Variants in NEURL1B observed in about 807,000 individuals in gnomAD.
The protein encoded by NEURL1B is neuralized E3 ubiquitin protein ligase 1B.
A neutral mutation model predicts 37.4 loss-of-function variants in NEURL1B; 13 were observed. The ratio of observed to expected loss-of-function variants is 0.35; its 90% CI spans 0.23 to 0.55. The LOEUF (loss-of-function observed/expected upper bound fraction) is 0.55, where lower values mean the gene tolerates loss of function less well. NEURL1B is among the 20% of genes least tolerant of loss of function. The probability of loss-of-function intolerance (pLI) is 0.89; values close to 1 mark genes in which losing one functional copy is unlikely to be tolerated. For synonymous variants in NEURL1B, 432 were observed against 426.6 expected (o/e 1.01, Z -0.16); for missense variants, 790 against 879.2 (o/e 0.90, Z 1.28).
At chr5:172,663,856 A>ATTATTATTATTATTATTATTC (rs1463627070) in intron 1 of NEURL1B, among the ~76,000 whole-genome samples, 1 of 149,678 alleles carries the variant, frequency 6.7e-6, no homozygotes, top group East Asian at 2.0e-4. Flanking sequence ...TATTATTATT[A>ATTATTATTATTATTATTATTC]TTTACCAGTG....
In NEURL1B at chr5:172,683,462, G is replaced by A. The variant is rs527371289; in HGVS notation, c.621G>A (p.Gln207=). The change falls in exon 3 of 5, where the codon CAG becomes CAA. Residue 207 remains glutamine, a synonymous_variant. Coordinates refer to ENST00000369800, the MANE Select transcript of NEURL1B (RefSeq NM_001142651.3). This position sits in a 1 kb window ranked among gnomAD's most constrained non-coding sequence, Gnocchi z 5.6. ...ADTLTPARLS[Q]ARFSACLPPS... ...CGCTGACGCCCGCGCGCCTCAGCCA[G>A]GCCCGCTTCAGCGCCTGCCTGCCGC... The A allele has an allele frequency of 2.0e-6, 3 of 1,473,346 alleles. No individual in the cohort carries two copies. Among genetic ancestry groups the A allele is most frequent in the Non-Finnish European group, 2.7e-6 (3 of 1,115,714 alleles). The allele number at this position is 1,473,346 out of a possible 1,614,324, so 91.3% of individuals were successfully genotyped here. A position where few individuals can be genotyped will look rare whatever the true frequency, so the allele number is the denominator to read the frequency against.
intron 3 of NEURL1B, among the ~76,000 whole-genome samples, 152 bp downstream of exon 3, chr5:172,684,290 C>T (rs1758438693): frequency 6.6e-6 from 1 of 152,066 alleles, no homozygotes; most frequent in Non-Finnish European, 1.5e-5. Flanking sequence ...CGCCCGGGCA[C>T]GATCCACCCC....
intron 1 of NEURL1B, among the ~76,000 whole-genome samples, chr5:172,646,514 C>G (rs1288593907): frequency 6.6e-6 from 1 of 152,206 alleles, no homozygotes; most frequent in Non-Finnish European, 1.5e-5. Context: ...TTCCTGTCTA[C>G]TGTCAGCAGT....
intron 1 of NEURL1B, among the ~76,000 whole-genome samples, chr5:172,664,234 A>AT (rs1757964331): frequency 6.6e-6 from 1 of 152,142 alleles, no homozygotes; most frequent in South Asian, 2.1e-4. Flanking sequence ...CTGGGGTCAT[A>AT]TCTCAACGCT....
intron 1 of NEURL1B, among the ~76,000 whole-genome samples, chr5:172,668,140 A>G (rs917413453): frequency 5.9e-5 from 9 of 151,932 alleles, no homozygotes; most frequent in African/African-American, 2.2e-4. Context: ...TCCCTCCAGG[A>G]AGAGTACGTT....
chr5:172,645,219 G>A (rs1757538478), intron 1 of NEURL1B, among the ~76,000 whole-genome samples: 1 of 152,150 alleles, frequency 6.6e-6, no homozygotes, highest in Admixed American at 6.5e-5. Context: ...AGGGCAGCAA[G>A]TGGAGGCTCA....
In NEURL1B at chr5:172,683,115, A is replaced by C. The variant is rs553230234; in HGVS notation, c.578-304A>C. ...AGAGGGAGAGAAGGGGAAAGGGTGG[A>C]GAGAAAAGGAGGGATGGAAGAAGAG... On this transcript the variant is annotated intron_variant, in intron 2 of 4. Transcript: ENST00000369800. The surrounding 1 kb of genome is among the most constrained non-coding windows in gnomAD (Gnocchi z 5.6). Among the ~76,000 whole-genome samples, 300 of 152,234 alleles carry C rather than the reference A, an allele frequency of 2.0e-3. No individual in the cohort carries two copies. The highest frequency in any genetic ancestry group is 3.3e-3 in the Non-Finnish European group (225 of 68,008).
intron 1 of NEURL1B, among the ~76,000 whole-genome samples, chr5:172,649,872 C>A (rs981412683): frequency 6.6e-6 from 1 of 152,130 alleles, no homozygotes; most frequent in South Asian, 2.1e-4. Context: ...CATCCCAGGA[C>A]CACAGACCCA....
Position 172,686,245 on chromosome 5 carries a change from G to A in NEURL1B, c.1372G>A (p.Asp458Asn). The part of the protein sequence containing the change: ...LSGSQDDSDS[D>N]MTFSVNQSSS... ...CGGCTCCCAGGACGATAGTGATTCAGATATGACCTTCAGTGTCAACCAGTC... is the reference window on the plus strand; with the variant it reads ...CGGCTCCCAGGACGATAGTGATTCAAATATGACCTTCAGTGTCAACCAGTC... Residue 458 changes from aspartate (D) to asparagine (N), a missense_variant, in exon 4 of 5, where the codon GAT becomes AAT. This residue lies in a region of NEURL1B where 115 missense variants were observed against 162.6 expected (regional missense o/e 0.71). Coordinates refer to ENST00000369800, the MANE Select transcript of NEURL1B (RefSeq NM_001142651.3). This position sits in a 1 kb window ranked among gnomAD's most constrained non-coding sequence, Gnocchi z 7.9. The A allele has an allele frequency of 6.4e-7, 1 of 1,551,708 alleles. No homozygotes were observed. Among genetic ancestry groups the A allele is most frequent in the East Asian group, 2.4e-5 (1 of 40,922 alleles).
Position 172,664,122 on chromosome 5 carries a change from G to T in NEURL1B, c.32-5663G>T, listed in dbSNP as rs571855284. On this transcript the variant is annotated intron_variant, in intron 1 of 4. Coordinates refer to ENST00000369800, the MANE Select transcript of NEURL1B (RefSeq NM_001142651.3). ...ACAAAATTGTCTGTGCACTCTGATG[G>T]TAAGAAAGTTAGGAAACTACTTATA... Among the ~76,000 whole-genome samples the T allele has an allele frequency of 1.6e-3, 247 of 152,242 alleles. 3 individuals carry two copies. The highest frequency in any genetic ancestry group is 1.3e-3 in the Admixed American group (20 of 15,296).
rs575673505 is a variant in NEURL1B at position 172,661,789 on chromosome 5, CTCCTGACGGTAACTGCCATT to C, written c.32-7991_32-7972del. Among the ~76,000 whole-genome samples the C allele has an allele frequency of 4.8e-3, 731 of 152,364 alleles. 5 individuals carry two copies. The highest frequency in any genetic ancestry group is 8.3e-3 in the Non-Finnish European group (567 of 68,032). Reference sequence around the variant, plus strand: ...TCGGGAGCTGTTGCTTCCTGCCATCCTCCTGACGGTAACTGCCATTTCCTTGGGCTCTTTTTAGATCAAAG... The same window carrying C: ...TCGGGAGCTGTTGCTTCCTGCCATCCTCCTTGGGCTCTTTTTAGATCAAAG... On this transcript the variant is annotated intron_variant, in intron 1 of 4. Coordinates refer to ENST00000369800, the MANE Select transcript of NEURL1B (RefSeq NM_001142651.3). The surrounding 1 kb of genome is among the most constrained non-coding windows in gnomAD (Gnocchi z 4.0).
rs1483196882 is a variant in NEURL1B, at chr5:172,687,354, GGGA to G, written c.*434_*436del. The G allele has an allele frequency of 5.9e-6, 1 of 168,142 alleles. No homozygotes were observed. Among genetic ancestry groups the G allele is most frequent in the Non-Finnish European group, 1.3e-5 (1 of 77,362 alleles). The allele number at this position is 168,142 out of a possible 1,614,324, so 10.4% of individuals were successfully genotyped here. A position where few individuals can be genotyped will look rare whatever the true frequency, so the allele number is the denominator to read the frequency against. ...CGATTTTACCAGGGGTCCCGGCTCC[GGGA>G]GGAGACGTGCAATCCGGAGCCCCGA... On this transcript the variant is annotated 3_prime_UTR_variant, in exon 5 of 5. Coordinates refer to ENST00000369800, the MANE Select transcript of NEURL1B (RefSeq NM_001142651.3).
At chr5:172,659,021 A>AC (rs1757844700) in intron 1 of NEURL1B, among the ~76,000 whole-genome samples, 1 of 73,002 alleles carries the variant, frequency 1.4e-5, no homozygotes, top group Non-Finnish European at 2.8e-5. Context: ...GACATCCACC[A>AC]CCACCCCTGC....
intron 1 of NEURL1B, among the ~76,000 whole-genome samples, chr5:172,645,087 G>A (rs1035053392): frequency 1.3e-5 from 2 of 152,226 alleles, no homozygotes; most frequent in Non-Finnish European, 2.9e-5. Flanking sequence ...TGGAGCTTTG[G>A]AGTGAGGAAA....
In NEURL1B at chr5:172,683,421, A is replaced by G; in HGVS notation, c.580A>G (p.Ser194Gly). ...TGTCCCTCCCTTTGTCCGCACAGAGAGCGCCTTCGCTGACACGCTGACGCC... is the reference window on the plus strand; with the variant it reads ...TGTCCCTCCCTTTGTCCGCACAGAGGGCGCCTTCGCTGACACGCTGACGCC... The part of the protein sequence containing the change: ...GITDEVQLLE[S>G]AFADTLTPAR... Residue 194 changes from serine to glycine, a missense_variant and splice_region_variant, in exon 3 of 5, where the codon AGC (serine) becomes GGC (glycine). Physicochemically the swap from Ser to Gly is moderately conservative, Grantham distance 56 (BLOSUM62 0). This residue lies in a region of NEURL1B where 460 missense variants were observed against 407.4 expected (regional missense o/e 1.13). Transcript: ENST00000369800. The surrounding 1 kb of genome is among the most constrained non-coding windows in gnomAD (Gnocchi z 5.6). The G allele has an allele frequency of 1.5e-6, 2 of 1,365,038 alleles. No homozygotes were observed. The highest frequency in any genetic ancestry group is 1.9e-6 in the Non-Finnish European group (2 of 1,052,774). The allele number at this position is 1,365,038 out of a possible 1,614,324, so 84.6% of individuals were successfully genotyped here.
In NEURL1B at chr5:172,683,171, T is replaced by C. The variant is rs1239693723; in HGVS notation, c.578-248T>C. ...AGGAGGCAGGGGAAAAAGGGCCTTA[T>C]CTGCCGCTCCCAAAGGTAAGAGCAT... On this transcript the variant is annotated intron_variant, in intron 2 of 4. Coordinates refer to ENST00000369800, the MANE Select transcript of NEURL1B (RefSeq NM_001142651.3). The surrounding 1 kb of genome is among the most constrained non-coding windows in gnomAD (Gnocchi z 5.6). Among the ~76,000 whole-genome samples the C allele has an allele frequency of 6.6e-6, 1 of 152,156 alleles. No homozygotes were observed. Among genetic ancestry groups the C allele is most frequent in the African/African-American group, 2.4e-5 (1 of 41,418 alleles).
In NEURL1B at chr5:172,686,902, G is replaced by A. The variant is rs1322894651; in HGVS notation, c.1645G>A (p.Val549Ile). The change falls in exon 5 of 5, where the codon GTC becomes ATC. Residue 549 changes from valine to isoleucine, a missense_variant. By Grantham distance (29) the Val-to-Ile change is conservative. Around this residue, in one of 3 missense-constraint regions of NEURL1B, gnomAD observed 115 missense variants for 162.6 expected, o/e 0.71. Coordinates refer to ENST00000369800, the MANE Select transcript of NEURL1B (RefSeq NM_001142651.3). The surrounding 1 kb of genome is among the most constrained non-coding windows in gnomAD (Gnocchi z 7.9). ...CPICRRPIKD[V>I]IKIYRP ...CATCTGCCGGCGGCCCATCAAGGAC[G>A]TCATTAAGATCTACAGGCCATAGCC... The A allele has an allele frequency of 1.5e-5, 24 of 1,549,744 alleles. No individual in the cohort carries two copies. Among genetic ancestry groups the A allele is most frequent in the East Asian group, 2.4e-5 (1 of 40,886 alleles).
rs573966622 is a variant in NEURL1B, at chr5:172,656,953, A to G, written c.32-12832A>G. Among the ~76,000 whole-genome samples, 129 of 152,302 alleles carry G rather than the reference A, an allele frequency of 8.5e-4. 1 individual carries two copies. The Middle Eastern group carries it at 0.01, about 12-fold the overall frequency. On this transcript the variant is annotated intron_variant, in intron 1 of 4. Coordinates refer to ENST00000369800, the MANE Select transcript of NEURL1B (RefSeq NM_001142651.3). ...AAGCTGGGAACTCTGTTAAGTGGCC[A>G]TTACCTTTTTTCCTTGGAGGCAAGG...
chr5:172,656,570 C>T lies in NEURL1B; in HGVS notation c.32-13215C>T, dbSNP rs1002896915. ...CACCTATGGCCAAGAGCCCCTTCCC[C>T]GCGGCCTTCGCTTTTAGCTCCTCGA... On this transcript the variant is annotated intron_variant, in intron 1 of 4. Transcript: ENST00000369800. 2.9e-5 allele frequency: 46 copies of T among 1,611,126 alleles called. No individual in the cohort carries two copies. The East Asian group carries it at 4.0e-4, about 14-fold the overall frequency.
Sources: allele counts gnomAD v4.1 joint callset (sites outside exome capture counted in the v4.1 genomes callset), GRCh38; gene constraint gnomAD v4.1.1; regional missense constraint gnomAD v4.1.1; non-coding constraint Gnocchi (gnomAD v3.1); transcripts MANE v1.5; gene names NCBI Gene and HGNC (gene_info 2026-07-23, HGNC 2026-07-21).